The following KIF13B variants were observed in gnomAD, a reference collection of about 807,000 sequenced individuals.
KIF13B encodes kinesin-like protein KIF13B.
Under a neutral mutation model 222.0 loss-of-function variants are expected in KIF13B, and 127 were observed. The ratio of observed to expected loss-of-function variants is 0.57; its 90% CI spans 0.50 to 0.66. The LOEUF (loss-of-function observed/expected upper bound fraction) is 0.66. Ranked by LOEUF, KIF13B falls within the 30% of genes least tolerant of loss-of-function variation. The pLI is 0.00. For missense variants in KIF13B, 2,173 were observed against 2,379.0 expected (o/e 0.91, Z 1.80); for synonymous variants, 976 against 919.0 (o/e 1.06, Z -1.12).
At chr8:29,151,981 T>A (rs1811318783) in intron 14 of KIF13B, among the ~76,000 whole-genome samples, 1 of 151,560 alleles carries the variant, frequency 6.6e-6, no homozygotes, top group Non-Finnish European at 1.5e-5. Flanking sequence ...TAAGAACATT[T>A]GTTATTCAGA....
At chr8:29,189,331 G>A (rs1813076029) in intron 4 of KIF13B, 1 of 149,648 alleles carries the variant, frequency 6.7e-6, no homozygotes, top group Admixed American at 6.7e-5. Context: ...TCTGATATTG[G>A]GCCACCTAGA....
At chr8:29,212,230 T>G (rs575210405) in intron 2 of KIF13B, among the ~76,000 whole-genome samples, 2 of 152,340 alleles carry the variant, frequency 1.3e-5, no homozygotes, top group Non-Finnish European at 2.9e-5. Context: ...ATGGTAAGTA[T>G]GTTTATACCC....
At chr8:29,159,408 C>T (rs1392799379) in intron 13 of KIF13B, among the ~76,000 whole-genome samples, 1 of 152,118 alleles carries the variant, frequency 6.6e-6, no homozygotes, top group African/African-American at 2.4e-5. Flanking sequence ...CCTCAGCCTC[C>T]CAAAGTGCTG....
rs772987039 is a variant in KIF13B at position 29,108,163 on chromosome 8, T to C, written c.4191A>G (p.Pro1397=). 3.1e-6 allele frequency: 5 copies of C among 1,612,354 alleles called. No individual in the cohort carries two copies. The highest frequency in any genetic ancestry group is 2.7e-5 in the African/African-American group (2 of 75,006). ...RLSGSRQDLI[P]SYSLGSNKGR... ...CCTTGTTGCTGCCTAGACTGTATGA[T>C]GGAATGAGATCTTGTCGGCTTCCAG... Residue 1397 remains proline, a synonymous_variant, in exon 35 of 40, where the codon CCA becomes CCG. Coordinates refer to ENST00000524189, the MANE Select transcript of KIF13B (RefSeq NM_015254.4).
chr8:29,170,317 C>T (rs1812182999), intron 10 of KIF13B, among the ~76,000 whole-genome samples: 1 of 152,150 alleles, frequency 6.6e-6, no homozygotes, highest in African/African-American at 2.4e-5. Flanking sequence ...GAAAGTGAGA[C>T]CCAGGAAAAC....
intron 2 of KIF13B, among the ~76,000 whole-genome samples, chr8:29,233,316 G>A (rs1385393821): frequency 6.6e-6 from 1 of 152,184 alleles, no homozygotes; most frequent in South Asian, 2.1e-4. Context: ...AAAGGAGAGG[G>A]AATAGTTACA....
intron 33 of KIF13B, 130 bp downstream of exon 33, chr8:29,109,788 A>C: frequency 1.1e-6 from 1 of 906,452 alleles, no homozygotes; most frequent in Non-Finnish European, 1.7e-6. Context: ...ATCACTCTGG[A>C]TTATTCAAAG....
chr8:29,221,393 G>A lies in KIF13B; in HGVS notation c.149+23953C>T, dbSNP rs190671150. ...GCTGGGATTACAGGCATGAGCCACC[G>A]CACCCGACCTGCAGTGAGCTGTGAT... On this transcript the variant is annotated intron_variant, in intron 2 of 39. Transcript: ENST00000524189. 2.5e-3 allele frequency among the ~76,000 whole-genome samples: 382 copies of A among 149,974 alleles called. 5 individuals are homozygous for A. The highest frequency in any genetic ancestry group is 8.7e-3 in the African/African-American group (355 of 40,810).
At position 29,177,228 on chromosome 8, in the gene KIF13B, A is replaced by C. The variant is rs375173551; in HGVS notation, c.833+238T>G. Among the ~76,000 whole-genome samples the C allele has an allele frequency of 2.6e-5, 4 of 151,658 alleles. No homozygotes were observed. In the East Asian group the frequency reaches 7.8e-4, roughly 30 times the overall value. On this transcript the variant is annotated intron_variant, in intron 9 of 39. Transcript: ENST00000524189. ...TACAAAGCACAGCATCACCCCTCCC[A>C]TGAAAAGAATTACCTGACCCAAAAC... is the stretch of plus-strand genomic sequence containing the variant.
chr8:29,079,484 T>TA (rs1294042257), intron 37 of KIF13B, among the ~76,000 whole-genome samples: 1 of 152,214 alleles, frequency 6.6e-6, no homozygotes, highest in African/African-American at 2.4e-5. Context: ...TTTCCTTACA[T>TA]AAAACAGTAG....
chr8:29,071,827 G>T lies in KIF13B; in HGVS notation c.5011C>A (p.Pro1671Thr). ...GCCGGCGCATTCCCCTCGGCCCCCG[G>T]GGAGCAGCCGGGGTCCCCAGCCAGC... ...RMLAGDPGCS[P>T]GAEGNAPAPG... Residue 1671 changes from proline (P) to threonine (T), a missense_variant, in exon 39 of 40, where the codon CCG becomes ACG. Physicochemically the swap from Pro to Thr is conservative, Grantham distance 38. Around this residue, in one of 2 missense-constraint regions of KIF13B, gnomAD observed 693 missense variants for 656.2 expected, o/e 1.06. Coordinates refer to ENST00000524189, the MANE Select transcript of KIF13B (RefSeq NM_015254.4). This position sits in a 1 kb window ranked among gnomAD's most constrained non-coding sequence, Gnocchi z 4.9. 6.5e-7 allele frequency: 1 copy of T among 1,541,642 alleles called. No homozygotes were observed. Among genetic ancestry groups the T allele is most frequent in the Non-Finnish European group, 8.7e-7 (1 of 1,146,024 alleles).
At chr8:29,226,513 A>G (rs1417700733) in intron 2 of KIF13B, among the ~76,000 whole-genome samples, 2 of 152,146 alleles carry the variant, frequency 1.3e-5, no homozygotes, top group Admixed American at 6.5e-5. Context: ...CGGAAAGCCC[A>G]TGGGTGTCCG....
In KIF13B at chr8:29,142,210, A is replaced by G. The variant is rs1586834298; in HGVS notation, c.2281T>C (p.Leu761=). ...TCCTGATAAAGGTCTCTCATATCCA[A>G]CAGCCTGTTGTCCAGTTTTTCCAAA... ...WSLEKLDNRL[L]DMRDLYQEWK... The change falls in exon 19 of 40, where the codon TTG becomes CTG. Residue 761 remains leucine (L), a synonymous_variant. Coordinates refer to ENST00000524189, the MANE Select transcript of KIF13B (RefSeq NM_015254.4). The G allele has an allele frequency of 6.2e-7, 1 of 1,613,688 alleles. No homozygotes were observed. The highest frequency in any genetic ancestry group is 8.5e-7 in the Non-Finnish European group (1 of 1,179,602).
rs564345359 is a variant in KIF13B at position 29,236,681 on chromosome 8, A to G, written c.149+8665T>C. Among the ~76,000 whole-genome samples the G allele has an allele frequency of 1.2e-3, 186 of 152,310 alleles. 1 individual carries two copies. Among genetic ancestry groups the G allele is most frequent in the African/African-American group, 4.3e-3 (180 of 41,570 alleles). Reference sequence around the variant, plus strand: ...AAAGTATATATAAATTACGTTTGATAGAAGTAAAGCAAAGGTGAAATTTAC... The same window carrying G: ...AAAGTATATATAAATTACGTTTGATGGAAGTAAAGCAAAGGTGAAATTTAC... On this transcript the variant is annotated intron_variant, in intron 2 of 39. Coordinates refer to ENST00000524189, the MANE Select transcript of KIF13B (RefSeq NM_015254.4).
At chr8:29,186,775 A>G (rs967062205) in intron 5 of KIF13B, among the ~76,000 whole-genome samples, 1 of 151,886 alleles carries the variant, frequency 6.6e-6, no homozygotes, top group African/African-American at 2.4e-5. Flanking sequence ...CCTGGGCAAC[A>G]AGGTGAAACC....
At chr8:29,221,316 T>C (rs1282103377) in intron 2 of KIF13B, among the ~76,000 whole-genome samples, 1 of 151,772 alleles carries the variant, frequency 6.6e-6, no homozygotes, top group Non-Finnish European at 1.5e-5. Context: ...TTGGGCAGGC[T>C]GGTCTCGAAC....
intron 2 of KIF13B, among the ~76,000 whole-genome samples, chr8:29,217,397 A>G (rs1452054254): frequency 6.6e-6 from 1 of 152,224 alleles, no homozygotes; most frequent in Non-Finnish European, 1.5e-5. Flanking sequence ...ACCACTTACT[A>G]TGTGACCTTG....
chr8:29,165,829 T>C, intron 11 of KIF13B, 57 bp from the exon 12 acceptor site: 1 of 1,234,982 alleles, frequency 8.1e-7, no homozygotes, highest in South Asian at 1.2e-5. Flanking sequence ...GAAAAAGAAG[T>C]GGCCAACTCT....
At chr8:29,152,731 C>A (rs1811354840) in intron 14 of KIF13B, among the ~76,000 whole-genome samples, 1 of 152,118 alleles carries the variant, frequency 6.6e-6, no homozygotes. Context: ...CCTGCCTCAA[C>A]CTCTCGAGTA....
Sources: allele counts gnomAD v4.1 joint callset (sites outside exome capture counted in the v4.1 genomes callset), GRCh38; gene constraint gnomAD v4.1.1; regional missense constraint gnomAD v4.1.1; non-coding constraint Gnocchi (gnomAD v3.1); transcripts MANE v1.5; gene names NCBI Gene and HGNC (gene_info 2026-07-23, HGNC 2026-07-21).